Variants in AGBL4 observed in about 807,000 individuals in gnomAD.
AGBL4 encodes AGBL carboxypeptidase 4, also known as cytosolic carboxypeptidase 6.
AGBL4 carries 58 observed loss-of-function variants against 66.4 expected under a neutral mutation model. The observed-to-expected ratio is 0.87, with a 90% CI of 0.71 to 1.09. AGBL4 has a LOEUF of 1.09. AGBL4 is among the 50% of genes least tolerant of loss of function. The probability of loss-of-function intolerance (pLI) is 0.00; values close to 1 mark genes in which losing one functional copy is unlikely to be tolerated. For synonymous variants in AGBL4, 234 were observed against 222.9 expected, an observed-to-expected ratio of 1.05 and a Z score of -0.44; for missense variants, 579 against 631.0, an observed-to-expected ratio of 0.92 and a Z score of 0.88.
intron 3 of AGBL4, among the ~76,000 whole-genome samples, chr1:49,496,731 A>G (rs1647617774): frequency 6.6e-6 from 1 of 152,038 alleles, no homozygotes; most frequent in South Asian, 2.1e-4. Flanking sequence ...ATAGTATTCC[A>G]TTGTGTATGT....
intron 1 of AGBL4, among the ~76,000 whole-genome samples, chr1:49,865,151 T>C (rs1646670335): frequency 6.6e-6 from 1 of 152,148 alleles, no homozygotes; most frequent in African/African-American, 2.4e-5. Flanking sequence ...ACAACCTCTG[T>C]AAATCAGAGG....
intron 9 of AGBL4, among the ~76,000 whole-genome samples, chr1:48,611,166 C>G (rs1645232833): frequency 6.6e-6 from 1 of 152,250 alleles, no homozygotes. Flanking sequence ...CCGCCCAGCC[C>G]TCTGGCAGCC....
At chr1:49,794,163 C>G (rs1011906650) in intron 2 of AGBL4, among the ~76,000 whole-genome samples, 1 of 151,866 alleles carries the variant, frequency 6.6e-6, no homozygotes, top group African/African-American at 2.4e-5. Flanking sequence ...TCCTTCAGAA[C>G]ACAGGCACTC....
At chr1:48,863,660 T>C (rs1449393919) in intron 6 of AGBL4, among the ~76,000 whole-genome samples, 1 of 152,056 alleles carries the variant, frequency 6.6e-6, no homozygotes, top group African/African-American at 2.4e-5. Flanking sequence ...ATTTTGTATA[T>C]AGTAAAATTG....
intron 1 of AGBL4, among the ~76,000 whole-genome samples, chr1:49,948,216 A>G (rs1655611026): frequency 1.5e-5 from 1 of 65,578 alleles, no homozygotes; most frequent in African/African-American, 4.8e-5. Flanking sequence ...ATATATAAAT[A>G]TATATAAATA....
At chr1:49,321,450 G>T (rs1386259542) in intron 3 of AGBL4, among the ~76,000 whole-genome samples, 1 of 152,106 alleles carries the variant, frequency 6.6e-6, no homozygotes, top group Non-Finnish European at 1.5e-5. Context: ...CAAAAAGTAT[G>T]GAAAACAGTA....
chr1:48,982,989 A>G (rs952440896), intron 5 of AGBL4, among the ~76,000 whole-genome samples: 2 of 152,202 alleles, frequency 1.3e-5, no homozygotes, highest in African/African-American at 4.8e-5. Flanking sequence ...CAAGAGAGTG[A>G]CAGGGTAAAA....
chr1:48,880,961 G>A (rs780148208), intron 5 of AGBL4, among the ~76,000 whole-genome samples: 3 of 152,118 alleles, frequency 2.0e-5, no homozygotes, highest in Non-Finnish European at 4.4e-5. Flanking sequence ...TTTATGGAAA[G>A]AGCATAGTTT....
chr1:48,832,225 G>C (rs999347541), intron 6 of AGBL4, among the ~76,000 whole-genome samples: 1 of 152,112 alleles, frequency 6.6e-6, no homozygotes, highest in African/African-American at 2.4e-5. Context: ...TCCTCTCCTG[G>C]AGCTGCATCC....
intron 6 of AGBL4, among the ~76,000 whole-genome samples, chr1:48,717,309 A>C (rs185964010): frequency 6.6e-6 from 1 of 152,344 alleles, no homozygotes; most frequent in South Asian, 2.1e-4. Flanking sequence ...TTATACTCTG[A>C]CTGTGCATGT....
intron 6 of AGBL4, among the ~76,000 whole-genome samples, chr1:48,803,387 G>A (rs1645852184): frequency 6.6e-6 from 1 of 152,182 alleles, no homozygotes; most frequent in Non-Finnish European, 1.5e-5. Context: ...TGCCTACAGT[G>A]GATGTTCTGC....
chr1:48,841,991 A>G (rs1327373954), intron 6 of AGBL4, among the ~76,000 whole-genome samples: 1 of 152,140 alleles, frequency 6.6e-6, no homozygotes, highest in Admixed American at 6.6e-5. Flanking sequence ...TAATCCAAAG[A>G]CCTTACTTTT....
chr1:49,700,317 AG>A (rs879654109), intron 2 of AGBL4, among the ~76,000 whole-genome samples: 13 of 151,686 alleles, frequency 8.6e-5, no homozygotes, highest in Non-Finnish European at 1.5e-4. Context: ...ATAGATAGAT[AG>A]ATAGATAGAT....
intron 5 of AGBL4, among the ~76,000 whole-genome samples, chr1:48,907,327 T>C (rs1652690740): frequency 6.6e-6 from 1 of 152,194 alleles, no homozygotes; most frequent in Non-Finnish European, 1.5e-5. Flanking sequence ...TAATAATAAC[T>C]AACAAGATAG....
intron 5 of AGBL4, among the ~76,000 whole-genome samples, chr1:48,960,882 C>T (rs1657909389): frequency 6.6e-6 from 1 of 152,180 alleles, no homozygotes; most frequent in Non-Finnish European, 1.5e-5. Flanking sequence ...GTTGTGAAAA[C>T]ATTTAATGAA....
At chr1:48,879,841 C>T (rs946531983) in intron 5 of AGBL4, among the ~76,000 whole-genome samples, 2 of 151,968 alleles carry the variant, frequency 1.3e-5, no homozygotes, top group East Asian at 3.9e-4. Context: ...ATTCTGAAGC[C>T]TATGCCCTTA....
At chr1:49,868,633 G>A (rs565905134) in intron 1 of AGBL4, among the ~76,000 whole-genome samples, 10 of 152,008 alleles carry the variant, frequency 6.6e-5, no homozygotes, top group South Asian at 4.2e-4. Flanking sequence ...AATGTAAAAC[G>A]CAAAAGTATA....
chr1:48,971,542 T>C (rs2148953572), intron 5 of AGBL4, among the ~76,000 whole-genome samples: 1 of 152,260 alleles, frequency 6.6e-6, no homozygotes, highest in Non-Finnish European at 1.5e-5. Context: ...ATAAGTCAGA[T>C]ATAAAAGAGT....
At chr1:49,747,866 T>A (rs1651109843) in intron 2 of AGBL4, among the ~76,000 whole-genome samples, 1 of 152,124 alleles carries the variant, frequency 6.6e-6, no homozygotes. Context: ...TTATTTTTTA[T>A]CTACAAAATG....
Sources: gnomAD v4.1 joint callset for allele counts (sites outside exome capture counted in the v4.1 genomes callset) on GRCh38, gnomAD v4.1.1 for gene constraint, MANE v1.5 for transcripts, NCBI Gene and HGNC (gene_info 2026-07-23, HGNC 2026-07-21) for gene names.